Variants in STAU2 observed in about 807,000 individuals in gnomAD.
The protein encoded by STAU2 is double-stranded RNA-binding protein Staufen homolog 2.
A neutral mutation model predicts 65.9 loss-of-function variants in STAU2; 20 were observed. The observed-to-expected ratio is 0.30, with a 90% CI of 0.21 to 0.44. The LOEUF (loss-of-function observed/expected upper bound fraction) is 0.44, where lower values mean the gene tolerates loss of function less well. Ranked by LOEUF, STAU2 falls within the 20% of genes least tolerant of loss-of-function variation. The pLI, the probability that STAU2 is intolerant of heterozygous loss-of-function variation, is 1.00. For synonymous variants in STAU2, 232 were observed against 233.9 expected (o/e 0.99, Z 0.07); for missense variants, 558 against 683.9 (o/e 0.82, Z 2.05).
intron 13 of STAU2, among the ~76,000 whole-genome samples, chr8:73,535,797 C>A (rs1806142232): frequency 6.6e-6 from 1 of 152,146 alleles, no homozygotes; most frequent in South Asian, 2.1e-4. Context: ...TGTGGTTACA[C>A]AGGCAGTCAG....
At chr8:73,571,587 A>C (rs2128955991) in intron 12 of STAU2, among the ~76,000 whole-genome samples, 1 of 152,354 alleles carries the variant, frequency 6.6e-6, no homozygotes, top group African/African-American at 2.4e-5. Flanking sequence ...CTCAGGATTA[A>C]GAAACTCACT....
Position 73,551,995 on chromosome 8 carries a change from T to A in STAU2, c.1530+17A>T, listed in dbSNP as rs367870826. ...TAATGAATTGTTTTGTTTTTTGTTT[T>A]TGCTTTTAATTCATACCTGAAAGCC... On this transcript the variant is annotated intron_variant, in intron 13 of 14. Coordinates refer to ENST00000524300, the MANE Select transcript of STAU2 (RefSeq NM_001164380.2). 1.7e-5 allele frequency: 26 copies of A among 1,526,664 alleles called. No homozygotes were observed. In the African/African-American group the frequency reaches 3.1e-4, roughly 18 times the overall value. The allele number at this position is 1,526,664 out of a possible 1,614,324, so 94.6% of individuals were successfully genotyped here.
At chr8:73,632,978 T>C (rs963361192) in intron 6 of STAU2, among the ~76,000 whole-genome samples, 3 of 152,160 alleles carry the variant, frequency 2.0e-5, no homozygotes, top group Non-Finnish European at 2.9e-5. Context: ...ATTCCAGGAA[T>C]AGTGTTCTAG....
chr8:73,615,328 A>G (rs7839319), intron 8 of STAU2, among the ~76,000 whole-genome samples: 50,168 of 151,956 alleles, frequency 0.33, 9,783 homozygotes, highest in African/African-American at 0.54. Context: ...ATTAACATGT[A>G]TGTCACTAAA....
chr8:73,663,376 A>G (rs1816983277), intron 6 of STAU2, among the ~76,000 whole-genome samples: 1 of 152,228 alleles, frequency 6.6e-6, no homozygotes, highest in Non-Finnish European at 1.5e-5. Context: ...AAAAACAGGC[A>G]AGCCAGACGT....
At chr8:73,543,090 T>C (rs1192943674) in intron 13 of STAU2, among the ~76,000 whole-genome samples, 1 of 152,210 alleles carries the variant, frequency 6.6e-6, no homozygotes, top group Non-Finnish European at 1.5e-5. Flanking sequence ...AATAAACTAA[T>C]TCTTAGCAAT....
At chr8:73,677,485 T>C (rs1818104431) in intron 5 of STAU2, among the ~76,000 whole-genome samples, 2 of 152,180 alleles carry the variant, frequency 1.3e-5, no homozygotes, top group Admixed American at 6.5e-5. Context: ...TGTATACTTA[T>C]GCAATAGAAT....
intron 6 of STAU2, among the ~76,000 whole-genome samples, chr8:73,667,346 C>T (rs1817314093): frequency 6.6e-6 from 1 of 152,140 alleles, no homozygotes; most frequent in African/African-American, 2.4e-5. Context: ...AGAATAAAAT[C>T]CAAACCTCGT....
At chr8:73,612,192 T>A (rs1812524955) in intron 9 of STAU2, among the ~76,000 whole-genome samples, 1 of 152,222 alleles carries the variant, frequency 6.6e-6, no homozygotes, top group South Asian at 2.1e-4. Flanking sequence ...ATAGGTAGTA[T>A]TAGATACAAA....
rs138954601 is a variant in STAU2 at position 73,428,096 on chromosome 8, A to G, written c.1531-5394T>C. Reference sequence around the variant, plus strand: ...CAAACTTATCCTTTTTATCTGACTGAGACTTTGTACCCTTTGACTATCATT... The same window carrying G: ...CAAACTTATCCTTTTTATCTGACTGGGACTTTGTACCCTTTGACTATCATT... On this transcript the variant is annotated intron_variant, in intron 13 of 14. Transcript: ENST00000524300. Among the ~76,000 whole-genome samples, 174 of 152,304 alleles carry G rather than the reference A, an allele frequency of 1.1e-3. 2 individuals carry two copies. The East Asian group carries it at 0.027, about 24-fold the overall frequency.
intron 9 of STAU2, among the ~76,000 whole-genome samples, chr8:73,607,505 A>G (rs112577877): frequency 0.18 from 27,839 of 151,810 alleles, 2,787 homozygotes; most frequent in African/African-American, 0.27. Flanking sequence ...CGAGGCGGGC[A>G]GATCACCTGA....
intron 10 of STAU2, among the ~76,000 whole-genome samples, 154 bp from the exon 11 acceptor site, chr8:73,595,451 G>A (rs1487104390): frequency 6.6e-6 from 1 of 152,142 alleles, no homozygotes; most frequent in Non-Finnish European, 1.5e-5. Flanking sequence ...TTTATGTAAT[G>A]TTGTATATGT....
intron 6 of STAU2, among the ~76,000 whole-genome samples, chr8:73,634,315 G>A (rs1037370929): frequency 5.3e-5 from 8 of 151,928 alleles, no homozygotes; most frequent in East Asian, 1.9e-4. Flanking sequence ...GGATCACGAG[G>A]TCAAGAGATT....
At chr8:73,679,834 G>A (rs1275213104) in intron 5 of STAU2, among the ~76,000 whole-genome samples, 1 of 151,150 alleles carries the variant, frequency 6.6e-6, no homozygotes, top group African/African-American at 2.4e-5. Flanking sequence ...GCTGCAGTAA[G>A]CCAAGATCAA....
At chr8:73,422,882 C>G (rs75573391) in intron 13 of STAU2, among the ~76,000 whole-genome samples, 180 bp from the exon 14 acceptor site, 1 of 152,108 alleles carries the variant, frequency 6.6e-6, no homozygotes, top group East Asian at 1.9e-4. Flanking sequence ...TATACATAAC[C>G]GGAACTAGAA....
intron 5 of STAU2, among the ~76,000 whole-genome samples, chr8:73,673,778 G>A (rs1041425606): frequency 1.3e-5 from 2 of 151,860 alleles, no homozygotes; most frequent in African/African-American, 2.4e-5. Context: ...AAATGTCATC[G>A]AATATATTCC....
At chr8:73,567,851 G>GA (rs1173369599) in intron 12 of STAU2, among the ~76,000 whole-genome samples, 1 of 124,736 alleles carries the variant, frequency 8.0e-6, no homozygotes, top group South Asian at 3.7e-4. Flanking sequence ...CTTACTCGCT[G>GA]GGGGGGAGGG....
chr8:73,536,744 CAAG>C (rs1246659609), intron 13 of STAU2, among the ~76,000 whole-genome samples: 1 of 152,128 alleles, frequency 6.6e-6, no homozygotes, highest in Non-Finnish European at 1.5e-5. Flanking sequence ...TCCCTCCTCC[CAAG>C]AAGATGTCAA....
chr8:73,487,990 A>C (rs1332466330), intron 13 of STAU2, among the ~76,000 whole-genome samples: 1 of 152,070 alleles, frequency 6.6e-6, no homozygotes, highest in African/African-American at 2.4e-5. Context: ...ACCATGAACA[A>C]AAAAACATTT....
Sources: allele counts gnomAD v4.1 joint callset (sites outside exome capture counted in the v4.1 genomes callset), GRCh38; gene constraint gnomAD v4.1.1; transcripts MANE v1.5; gene names NCBI Gene and HGNC (gene_info 2026-07-23, HGNC 2026-07-21).